The following ALLC variants were observed in gnomAD, a reference collection of about 807,000 sequenced individuals.
The protein encoded by ALLC is probable inactive allantoicase.
ALLC carries 40 observed loss-of-function variants against 45.0 expected under a neutral mutation model. That is an observed-to-expected ratio of 0.89 (90% CI 0.69 to 1.16). The LOEUF (loss-of-function observed/expected upper bound fraction) is 1.16. ALLC is among the 50% of genes most tolerant of loss of function. The probability of loss-of-function intolerance (pLI) is 0.00; values close to 1 mark genes in which losing one functional copy is unlikely to be tolerated. For missense variants in ALLC, 488 were observed against 493.1 expected (o/e 0.99, Z 0.10); for synonymous variants, 176 against 178.1 (o/e 0.99, Z 0.09).
rs2043079 is a variant in ALLC, at chr2:3,678,500, T to C, written c.117T>C (p.Tyr39=). ...SDSPCFKEHE[Y]TEFGKWMDGW... Reference sequence around the variant, plus strand: ...GCCCGTGCTTCAAAGAGCATGAATATACGGAGTTTGGGAAATGGATGGATG... The same window carrying C: ...GCCCGTGCTTCAAAGAGCATGAATACACGGAGTTTGGGAAATGGATGGATG... Residue 39 remains tyrosine, a synonymous_variant, in exon 4 of 12, where the codon TAT becomes TAC. Coordinates refer to ENST00000252505, the MANE Select transcript of ALLC (RefSeq NM_018436.4). 8,203 of 1,613,960 alleles carry C rather than the reference T, an allele frequency of 5.1e-3. 375 individuals are homozygous for C. In the African/African-American group the frequency reaches 0.094, roughly 19 times the overall value.
the ALLC span, among the ~76,000 whole-genome samples, chr2:3,647,439 G>C: frequency 6.6e-6 from 1 of 152,118 alleles, no homozygotes; most frequent in Non-Finnish European, 1.5e-5. Context: ...GGGCCTGCCT[G>C]CTTCTCCCAT....
Position 3,670,319 on chromosome 2 carries a change from T to C in ALLC, c.-62-777T>C, listed in dbSNP as rs1054935267. Among the ~76,000 whole-genome samples the C allele has an allele frequency of 2.6e-5, 4 of 152,206 alleles. No individual in the cohort carries two copies. In the East Asian group the frequency reaches 5.8e-4, roughly 22 times the overall value. Reference sequence around the variant, plus strand: ...TGAACATAATTCTTAGTGAGGTGTTTTTGTGTAGTTTTTCTCTTTCACCAT... The same window carrying C: ...TGAACATAATTCTTAGTGAGGTGTTCTTGTGTAGTTTTTCTCTTTCACCAT... On this transcript the variant is annotated intron_variant, in intron 1 of 11. Transcript: ENST00000252505.
chr2:3,656,126 G>A (rs1666434255), upstream of ALLC, among the ~76,000 whole-genome samples: 1 of 152,266 alleles, frequency 6.6e-6, no homozygotes, highest in Admixed American at 6.5e-5. Flanking sequence ...CAGGGGTCGG[G>A]AGGAGCCCGT....
At chr2:3,681,835 T>C in intron 6 of ALLC, 122 bp downstream of exon 6, 1 of 703,776 alleles carries the variant, frequency 1.4e-6, no homozygotes, top group South Asian at 2.0e-5. Flanking sequence ...GCTCCCCACA[T>C]CATTTGCTTA....
the ALLC span, among the ~76,000 whole-genome samples, chr2:3,646,776 C>T: frequency 8.5e-5 from 13 of 152,212 alleles, no homozygotes; most frequent in African/African-American, 2.9e-4. Flanking sequence ...CTCACCCATG[C>T]ATTCATTTAC....
At position 3,698,835 on chromosome 2, in the gene ALLC, A is replaced by G. The variant is rs970802481; in HGVS notation, c.850+1379A>G. On this transcript the variant is annotated intron_variant, in intron 10 of 11. Transcript: ENST00000252505. ...GTGCGGGTTTGTTACATATATATAC[A>G]TGTGCCATGTTGGTGTGCTGCACTG... Among the ~76,000 whole-genome samples the G allele has an allele frequency of 3.3e-5, 5 of 152,122 alleles. No individual in the cohort carries two copies. In the East Asian group the frequency reaches 7.7e-4, roughly 23 times the overall value.
At chr2:3,673,269 G>T (rs1279592935) in intron 2 of ALLC, among the ~76,000 whole-genome samples, 2 of 152,218 alleles carry the variant, frequency 1.3e-5, no homozygotes, top group Non-Finnish European at 2.9e-5. Context: ...AGGTAGGAGA[G>T]GCCCCATGTG....
intron 7 of ALLC, among the ~76,000 whole-genome samples, chr2:3,683,706 T>C (rs2148009639): frequency 6.6e-6 from 1 of 152,366 alleles, no homozygotes; most frequent in East Asian, 1.9e-4. Context: ...TTCATCCATG[T>C]TGTAACATGT....
At chr2:3,694,834 T>G (rs1382927091) in intron 7 of ALLC, 1 of 152,196 alleles carries the variant, frequency 6.6e-6, no homozygotes, top group Non-Finnish European at 1.5e-5. Context: ...TTAAATTAAT[T>G]TTCTATATTA....
intron 3 of ALLC, among the ~76,000 whole-genome samples, chr2:3,676,534 A>G (rs969331561): frequency 5.3e-5 from 8 of 152,186 alleles, no homozygotes; most frequent in Non-Finnish European, 7.3e-5. Flanking sequence ...GGCGTGAGCC[A>G]CCGTGCCCGG....
intron 7 of ALLC, among the ~76,000 whole-genome samples, chr2:3,687,499 T>C (rs1218951365): frequency 6.6e-6 from 1 of 151,066 alleles, no homozygotes; most frequent in Non-Finnish European, 1.5e-5. Flanking sequence ...TTGAAGAGTT[T>C]GAGTAAAATT....
chr2:3,701,212 A>G (rs1180796939), intron 10 of ALLC, among the ~76,000 whole-genome samples: 1 of 152,232 alleles, frequency 6.6e-6, no homozygotes, highest in East Asian at 1.9e-4. Context: ...AGCTTATCAA[A>G]TACATTCAGA....
intron 7 of ALLC, among the ~76,000 whole-genome samples, chr2:3,686,647 C>G (rs1263879472): frequency 6.6e-6 from 1 of 150,732 alleles, no homozygotes; most frequent in African/African-American, 2.4e-5. Context: ...CCTTGTATAG[C>G]TCTTTCACTT....
the ALLC span, among the ~76,000 whole-genome samples, chr2:3,648,931 C>T: frequency 2.6e-5 from 4 of 152,158 alleles, no homozygotes; most frequent in African/African-American, 9.7e-5. Flanking sequence ...TTACATGACA[C>T]GATGTGTGTA....
At chr2:3,683,989 C>T (rs747572594) in intron 7 of ALLC, among the ~76,000 whole-genome samples, 3 of 152,064 alleles carry the variant, frequency 2.0e-5, no homozygotes, top group Non-Finnish European at 1.5e-5. Context: ...TTTGTTTACC[C>T]GTTCATTAGT....
rs569136674 is a variant in ALLC, at chr2:3,702,539, G to C, written c.1152G>C (p.Ser384=). The C allele has an allele frequency of 1.6e-4, 259 of 1,598,640 alleles. 2 individuals carry two copies. The East Asian group carries it at 5.3e-3, about 33-fold the overall frequency. Residue 384 remains serine (S), a synonymous_variant, in exon 12 of 12, where the codon TCG becomes TCC. Coordinates refer to ENST00000252505, the MANE Select transcript of ALLC (RefSeq NM_018436.4). ...RPREKPMLKF[S]VSFKANP Reference sequence around the variant, plus strand: ...GGGAGAAGCCCATGTTGAAGTTCTCGGTGAGCTTCAAAGCAAACCCTTAAC... The same window carrying C: ...GGGAGAAGCCCATGTTGAAGTTCTCCGTGAGCTTCAAAGCAAACCCTTAAC...
At chr2:3,657,847 G>C (rs559765878), upstream of ALLC, among the ~76,000 whole-genome samples, 4 of 152,242 alleles carry the variant, frequency 2.6e-5, no homozygotes, top group Non-Finnish European at 5.9e-5. Flanking sequence ...TCTCTAGTAG[G>C]TCAGGACCCA....
At chr2:3,646,668 C>T in the ALLC span, among the ~76,000 whole-genome samples, 3 of 152,148 alleles carry the variant, frequency 2.0e-5, no homozygotes, top group Admixed American at 6.5e-5. Context: ...GCTTCATTGG[C>T]GCAGACTCTG....
At chr2:3,668,047 G>A (rs533345540) in intron 1 of ALLC, among the ~76,000 whole-genome samples, 3 of 152,298 alleles carry the variant, frequency 2.0e-5, no homozygotes, top group Admixed American at 6.5e-5. Flanking sequence ...TTACAGGTGT[G>A]AGCCACCGCA....
Sources: gnomAD v4.1 joint callset for allele counts (sites outside exome capture counted in the v4.1 genomes callset) on GRCh38, gnomAD v4.1.1 for gene constraint, MANE v1.5 for transcripts, NCBI Gene and HGNC (gene_info 2026-07-23, HGNC 2026-07-21) for gene names.